The following CAMK4 variants were observed in gnomAD, a reference collection of about 807,000 sequenced individuals.
CAMK4 encodes the protein calcium/calmodulin-dependent protein kinase type IV.
Under a neutral mutation model 44.9 loss-of-function variants are expected in CAMK4, and 22 were observed. The ratio of observed to expected loss-of-function variants is 0.49; its 90% confidence interval spans 0.35 to 0.70. The LOEUF (loss-of-function observed/expected upper bound fraction) is 0.70. CAMK4 is among the 30% of genes least tolerant of loss of function. CAMK4 has a pLI of 0.01. For synonymous variants in CAMK4, 218 were observed against 215.4 expected (o/e 1.01, Z -0.11); for missense variants, 498 against 586.8 (o/e 0.85, Z 1.56).
chr5:111,347,355 G>A (rs1449717216), intron 2 of CAMK4, among the ~76,000 whole-genome samples: 1 of 152,012 alleles, frequency 6.6e-6, no homozygotes, highest in East Asian at 1.9e-4. Context: ...AAGGATATGA[G>A]ATGCTATCTT....
At chr5:111,387,795 A>G (rs558299453) in intron 4 of CAMK4, among the ~76,000 whole-genome samples, 1 of 152,186 alleles carries the variant, frequency 6.6e-6, no homozygotes, top group Non-Finnish European at 1.5e-5. Context: ...GAAGGCTAAT[A>G]ATTTTACCAC....
At chr5:111,393,873 G>T (rs1751899948) in intron 4 of CAMK4, among the ~76,000 whole-genome samples, 2 of 141,888 alleles carry the variant, frequency 1.4e-5, no homozygotes, top group East Asian at 2.0e-4. Flanking sequence ...AAAGTTTTGT[G>T]TTTTTTTTTT....
intron 3 of CAMK4, among the ~76,000 whole-genome samples, chr5:111,376,048 T>C (rs1751200913): frequency 6.6e-6 from 1 of 152,066 alleles, no homozygotes; most frequent in African/African-American, 2.4e-5. Flanking sequence ...CCATTCATGA[T>C]CCACAATTTG....
intron 2 of CAMK4, among the ~76,000 whole-genome samples, chr5:111,362,333 A>T (rs1234123890): frequency 6.6e-6 from 1 of 152,072 alleles, no homozygotes; most frequent in Non-Finnish European, 1.5e-5. Flanking sequence ...GGAATCATTC[A>T]TGTCTAACAT....
chr5:111,414,231 T>C (rs1752732042), intron 5 of CAMK4, among the ~76,000 whole-genome samples: 1 of 152,206 alleles, frequency 6.6e-6, no homozygotes, highest in Non-Finnish European at 1.5e-5. Context: ...GCACAGAGTA[T>C]TGCCTGATGC....
At chr5:111,367,674 A>G (rs956294135) in intron 2 of CAMK4, among the ~76,000 whole-genome samples, 2 of 152,142 alleles carry the variant, frequency 1.3e-5, no homozygotes, top group Non-Finnish European at 2.9e-5. Flanking sequence ...TCTCCTGTGG[A>G]GGAATATACC....
intron 5 of CAMK4, among the ~76,000 whole-genome samples, chr5:111,443,007 A>G (rs970551108): frequency 6.7e-6 from 1 of 149,566 alleles, no homozygotes; most frequent in Non-Finnish European, 1.5e-5. Context: ...AGGGTTACTG[A>G]GACCAAAAAG....
At chr5:111,227,807 G>GT (rs1483934536) in intron 1 of CAMK4, among the ~76,000 whole-genome samples, 1 of 152,202 alleles carries the variant, frequency 6.6e-6, no homozygotes, top group East Asian at 1.9e-4. Flanking sequence ...TGAAGACACT[G>GT]TTTTGTTCAT....
chr5:111,347,136 G>A (rs183997514), intron 2 of CAMK4, among the ~76,000 whole-genome samples: 352 of 152,134 alleles, frequency 2.3e-3, no homozygotes, highest in Non-Finnish European at 3.8e-3. Context: ...GTTGGTTAAG[G>A]AAGCAATGTT....
At chr5:111,320,254 T>C (rs1264349168) in intron 1 of CAMK4, among the ~76,000 whole-genome samples, 1 of 152,098 alleles carries the variant, frequency 6.6e-6, no homozygotes, top group Non-Finnish European at 1.5e-5. Context: ...GAAACTGGAT[T>C]TTTCTTATCA....
intron 1 of CAMK4, among the ~76,000 whole-genome samples, chr5:111,308,907 GC>G (rs1204985466): frequency 6.6e-6 from 1 of 152,056 alleles, no homozygotes; most frequent in Non-Finnish European, 1.5e-5. Context: ...CCTTCTATTT[GC>G]CATATGGGGA....
chr5:111,417,227 A>T (rs1329933274), intron 5 of CAMK4, among the ~76,000 whole-genome samples: 3 of 143,638 alleles, frequency 2.1e-5, no homozygotes, highest in African/African-American at 7.7e-5. Context: ...CACCCAGCTA[A>T]TTTTTTTTTT....
intron 1 of CAMK4, among the ~76,000 whole-genome samples, chr5:111,263,259 A>G (rs2112565873): frequency 6.6e-6 from 1 of 152,328 alleles, no homozygotes; most frequent in East Asian, 1.9e-4. Context: ...GGTGATCTTC[A>G]GGCAGTACTG....
intron 1 of CAMK4, among the ~76,000 whole-genome samples, chr5:111,303,980 A>C (rs1747845951): frequency 9.4e-6 from 1 of 106,540 alleles, no homozygotes; most frequent in Non-Finnish European, 1.7e-5. Context: ...CCAGAATTTC[A>C]TATCCAGCCA....
chr5:111,345,170 T>C (rs529320243), intron 2 of CAMK4, among the ~76,000 whole-genome samples: 14 of 152,050 alleles, frequency 9.2e-5, no homozygotes, highest in Admixed American at 5.3e-4. Flanking sequence ...TACAAGGTTT[T>C]CAGCTAAATA....
chr5:111,268,287 T>C (rs577615755), intron 1 of CAMK4, among the ~76,000 whole-genome samples: 1 of 152,336 alleles, frequency 6.6e-6, no homozygotes, highest in East Asian at 1.9e-4. Flanking sequence ...ATGATCATAA[T>C]TCTTATTCAA....
At position 111,462,298 on chromosome 5, in the gene CAMK4, T is replaced by C. The variant is rs182742399; in HGVS notation, c.626-11013T>C. 3.3e-5 allele frequency among the ~76,000 whole-genome samples: 5 copies of C among 152,350 alleles called. No homozygotes were observed. In the East Asian group the frequency reaches 5.8e-4, roughly 18 times the overall value. On this transcript the variant is annotated intron_variant, in intron 7 of 10. Coordinates refer to ENST00000282356, the MANE Select transcript of CAMK4 (RefSeq NM_001744.6). ...GCCAACCCCGTACTAAAAATATTCT[T>C]CCTCCAAGCATTTCCAGTTATCACT...
chr5:111,454,697 T>C (rs1367280632), intron 7 of CAMK4, among the ~76,000 whole-genome samples: 1 of 147,964 alleles, frequency 6.8e-6, no homozygotes, highest in African/African-American at 2.5e-5. Flanking sequence ...TCCTAATAAA[T>C]GTGCTACAAT....
chr5:111,295,340 C>T (rs1465497267), intron 1 of CAMK4, among the ~76,000 whole-genome samples: 1 of 152,222 alleles, frequency 6.6e-6, no homozygotes, highest in Non-Finnish European at 1.5e-5. Flanking sequence ...TTAGATGCAG[C>T]ACCATGCTCA....
Sources: allele counts gnomAD v4.1 joint callset (sites outside exome capture counted in the v4.1 genomes callset), GRCh38; gene constraint gnomAD v4.1.1; transcripts MANE v1.5; gene names NCBI Gene and HGNC (gene_info 2026-07-23, HGNC 2026-07-21).